MRAS: variants seen among roughly 807,000 people sequenced by gnomAD.
The protein encoded by MRAS is muscle RAS oncogene homolog, also known as ras-related protein M-Ras.
In MRAS, 4 loss-of-function variants were observed where a neutral mutation model predicts 20.9. The ratio of observed to expected loss-of-function variants is 0.19; its 90% confidence interval spans 0.09 to 0.44. MRAS has a LOEUF of 0.44. Ranked by LOEUF, MRAS falls within the 20% of genes least tolerant of loss-of-function variation. The probability of loss-of-function intolerance (pLI) is 0.99; values close to 1 mark genes in which losing one functional copy is unlikely to be tolerated. For synonymous variants in MRAS, 98 were observed against 102.9 expected (o/e 0.95, Z 0.29); for missense variants, 154 against 277.5 (o/e 0.56, Z 3.16).
intron 2 of MRAS, among the ~76,000 whole-genome samples, chr3:138,378,781 T>G (rs560004537): frequency 3.9e-5 from 6 of 152,194 alleles, no homozygotes; most frequent in Non-Finnish European, 8.8e-5. Flanking sequence ...GCATAGTGCA[T>G]TCACTTTGTT....
intron 2 of MRAS, among the ~76,000 whole-genome samples, chr3:138,378,331 C>T (rs1576365437): frequency 6.6e-6 from 1 of 152,224 alleles, no homozygotes; most frequent in Middle Eastern, 3.2e-3. Context: ...CCTGTGTCCT[C>T]CCAGAACCTA....
intron 1 of MRAS, among the ~76,000 whole-genome samples, chr3:138,364,940 A>T (rs910595268): frequency 9.2e-5 from 14 of 151,874 alleles, no homozygotes; most frequent in African/African-American, 2.4e-4. Flanking sequence ...TCTTTCCAGC[A>T]CTCCTGGATC....
intron 2 of MRAS, among the ~76,000 whole-genome samples, chr3:138,381,411 G>A (rs13074317): frequency 0.088 from 13,369 of 152,256 alleles, 667 homozygotes; most frequent in Non-Finnish European, 0.11. Context: ...TCTGCCGAGC[G>A]TGTCCTCCAC....
At chr3:138,374,068 C>G (rs1000992259) in intron 2 of MRAS, among the ~76,000 whole-genome samples, 1 of 152,112 alleles carries the variant, frequency 6.6e-6, no homozygotes, top group Non-Finnish European at 1.5e-5. Flanking sequence ...AAGCAAATCT[C>G]TTGCCTCAGC....
intron 1 of MRAS, among the ~76,000 whole-genome samples, chr3:138,363,665 TGAGCATGTGTGTGTCTTGAGAG>T (rs1300856045): frequency 7.9e-5 from 12 of 152,148 alleles, no homozygotes; most frequent in Admixed American, 1.3e-4. Context: ...CCATGGAGCC[TGAGCATGTGTGTGTCTTGAGAG>T]GAGCATGTGT....
At chr3:138,387,276 C>T (rs145479319) in intron 2 of MRAS, among the ~76,000 whole-genome samples, 7 of 152,332 alleles carry the variant, frequency 4.6e-5, no homozygotes, top group Non-Finnish European at 8.8e-5. Flanking sequence ...GCTGCCCAGG[C>T]GCAGGTGCGG....
intron 2 of MRAS, among the ~76,000 whole-genome samples, chr3:138,397,022 C>T (rs2055250758): frequency 6.6e-6 from 1 of 152,170 alleles, no homozygotes; most frequent in Non-Finnish European, 1.5e-5. Flanking sequence ...TCACTGGCTT[C>T]ATGAGGCGCG....
intron 1 of MRAS, among the ~76,000 whole-genome samples, chr3:138,354,198 C>T (rs1017206919): frequency 6.6e-6 from 1 of 152,014 alleles, no homozygotes; most frequent in Non-Finnish European, 1.5e-5. Flanking sequence ...ATTAATCTTA[C>T]AGTCACAAAT....
chr3:138,356,208 TTA>T (rs2054330823), intron 1 of MRAS, among the ~76,000 whole-genome samples: 4 of 152,224 alleles, frequency 2.6e-5, no homozygotes, highest in Admixed American at 6.5e-5. Flanking sequence ...ATACTGTATA[TTA>T]GGCTGGCCCT....
In MRAS at chr3:138,402,486, A is replaced by G; in HGVS notation, c.*217A>G. 1 of 495,904 alleles carries G rather than the reference A, an allele frequency of 2.0e-6. No homozygotes were observed. Among genetic ancestry groups the G allele is most frequent in the Non-Finnish European group, 3.6e-6 (1 of 280,122 alleles). The allele number at this position is 495,904 out of a possible 1,614,324, so 30.7% of individuals were successfully genotyped here. The stretch of plus-strand genomic sequence containing the variant: ...TCAAAGAGACAAGGAAGCCACCTGT[A>G]AGCAGAAGCAGCATCCAAGTGCCCC... On this transcript the variant is annotated 3_prime_UTR_variant, in exon 6 of 6. Transcript: ENST00000423968.
At chr3:138,381,128 A>G (rs2054895024) in intron 2 of MRAS, among the ~76,000 whole-genome samples, 1 of 152,148 alleles carries the variant, frequency 6.6e-6, no homozygotes, top group Non-Finnish European at 1.5e-5. Flanking sequence ...CCATGTTTTC[A>G]TTATCTGTTC....
intron 2 of MRAS, among the ~76,000 whole-genome samples, chr3:138,395,116 C>T (rs1245788146): frequency 6.6e-6 from 1 of 152,102 alleles, no homozygotes; most frequent in East Asian, 1.9e-4. Context: ...TCTCAGCTCA[C>T]TGCAACCTCT....
intron 1 of MRAS, among the ~76,000 whole-genome samples, chr3:138,350,942 CAAAAAAA>C (rs66738068): frequency 1.3e-4 from 9 of 68,022 alleles, no homozygotes; most frequent in African/African-American, 3.7e-4. Flanking sequence ...GACCCTGTCT[CAAAAAAA>C]AAAAAAAAAA....
chr3:138,393,372 TAACTC>T lies in MRAS; in HGVS notation c.194-3951_194-3947del, dbSNP rs368695371. On this transcript the variant is annotated intron_variant, in intron 2 of 5. Coordinates refer to ENST00000423968, the MANE Select transcript of MRAS (RefSeq NM_001085049.3). ...GAACTTACTGCACTGGCCTTAAACT[TAACTC>T]TTATGTTTTGCTGTTTTCTTCGCTT... Among the ~76,000 whole-genome samples, 578 of 152,258 alleles carry T rather than the reference TAACTC, an allele frequency of 3.8e-3. 4 individuals carry two copies. The highest frequency in any genetic ancestry group is 0.013 in the African/African-American group (559 of 41,578).
At chr3:138,358,235 G>A (rs1212871179) in intron 1 of MRAS, among the ~76,000 whole-genome samples, 1 of 152,108 alleles carries the variant, frequency 6.6e-6, no homozygotes, top group Non-Finnish European at 1.5e-5. Context: ...TACTTGGAAG[G>A]CTGAGGCAGG....
intron 1 of MRAS, among the ~76,000 whole-genome samples, chr3:138,365,276 A>G (rs2054536500): frequency 6.6e-6 from 1 of 152,226 alleles, no homozygotes; most frequent in Admixed American, 6.5e-5. Flanking sequence ...TATAATTGTC[A>G]TGGCAGGTGG....
intron 2 of MRAS, among the ~76,000 whole-genome samples, chr3:138,375,745 C>T (rs930053022): frequency 6.6e-6 from 1 of 152,148 alleles, no homozygotes; most frequent in Non-Finnish European, 1.5e-5. Context: ...TGGCTGGGCG[C>T]TGTGGCTTAC....
rs145760409 is a variant in MRAS, at chr3:138,404,890, G to C, written c.*2621G>C. The C allele has an allele frequency of 6.6e-6, 1 of 152,188 alleles. No individual in the cohort carries two copies. Among genetic ancestry groups the C allele is most frequent in the Admixed American group, 6.5e-5 (1 of 15,286 alleles). 9.4% of individuals were successfully genotyped at this position (152,188 alleles called of 1,614,324 possible). A position where few individuals can be genotyped will look rare whatever the true frequency, so the allele number is the denominator to read the frequency against. On this transcript the variant is annotated 3_prime_UTR_variant, in exon 6 of 6. Coordinates refer to ENST00000423968, the MANE Select transcript of MRAS (RefSeq NM_001085049.3). ...GGCTGTTTGACATCCTCATGTTCCC[G>C]TTGGTCTTCCGGAGAATAGTGCTAC...
At position 138,402,398 on chromosome 3, in the gene MRAS, G is replaced by A; in HGVS notation, c.*129G>A. 1.3e-6 allele frequency: 1 copy of A among 777,364 alleles called. No individual in the cohort carries two copies. Among genetic ancestry groups the A allele is most frequent in the South Asian group, 1.8e-5 (1 of 54,428 alleles). 48.2% of individuals were successfully genotyped at this position (777,364 alleles called of 1,614,324 possible). The stretch of plus-strand genomic sequence containing the variant: ...AGGACTTGGTACAGGAAGGGAGAAG[G>A]GCAGGTGGGCAGGGAGCAGACAGGG... On this transcript the variant is annotated 3_prime_UTR_variant, in exon 6 of 6. Coordinates refer to ENST00000423968, the MANE Select transcript of MRAS (RefSeq NM_001085049.3).
Sources: allele counts gnomAD v4.1 joint callset (sites outside exome capture counted in the v4.1 genomes callset), GRCh38; gene constraint gnomAD v4.1.1; transcripts MANE v1.5; gene names NCBI Gene and HGNC (gene_info 2026-07-23, HGNC 2026-07-21).